The following GFRA2 variants were observed in gnomAD, a reference collection of about 807,000 sequenced individuals.
GFRA2 encodes the protein GDNF family receptor alpha-2.
A neutral mutation model predicts 48.3 loss-of-function variants in GFRA2; 17 were observed. That is an observed-to-expected ratio of 0.35 (90% CI 0.24 to 0.53). GFRA2 has a LOEUF of 0.53. Among genes scored for constraint, GFRA2 ranks in the 20% least tolerant of loss-of-function variants. The pLI is 0.93. For synonymous variants in GFRA2, 305 were observed against 257.2 expected (o/e 1.19, Z -1.78); for missense variants, 660 against 637.3 (o/e 1.04, Z -0.38).
chr8:21,780,499 C>T (rs1806927877), intron 2 of GFRA2, among the ~76,000 whole-genome samples: 2 of 152,270 alleles, frequency 1.3e-5, no homozygotes, highest in South Asian at 4.2e-4. Flanking sequence ...TACCGCCCTC[C>T]TCTCACTGCG....
chr8:21,738,423 T>C (rs1020628415), intron 4 of GFRA2, among the ~76,000 whole-genome samples: 5 of 151,432 alleles, frequency 3.3e-5, no homozygotes, highest in African/African-American at 1.2e-4. Context: ...CTCCATCACA[T>C]TTCAGCTTCC....
intron 4 of GFRA2, among the ~76,000 whole-genome samples, chr8:21,716,866 A>G (rs1318996643): frequency 6.6e-6 from 1 of 152,232 alleles, no homozygotes; most frequent in Non-Finnish European, 1.5e-5. Flanking sequence ...CTTGCAAATA[A>G]CAACACCTCA....
chr8:21,712,132 T>C (rs1803072735), intron 4 of GFRA2, among the ~76,000 whole-genome samples: 1 of 152,232 alleles, frequency 6.6e-6, no homozygotes. Flanking sequence ...TTCCCCACCT[T>C]TCCCCCTTTT....
At chr8:21,738,212 T>C (rs1585277522) in intron 4 of GFRA2, among the ~76,000 whole-genome samples, 1 of 84,322 alleles carries the variant, frequency 1.2e-5, no homozygotes, top group African/African-American at 4.9e-5. Context: ...CTCCTCCCCC[T>C]CCTCCTCCTC....
chr8:21,756,334 G>T (rs183196831), intron 3 of GFRA2, among the ~76,000 whole-genome samples: 1 of 152,194 alleles, frequency 6.6e-6, no homozygotes, highest in African/African-American at 2.4e-5. Context: ...GCTCCTACCT[G>T]GTTACCAGGA....
At chr8:21,739,228 C>G (rs1804632309) in intron 4 of GFRA2, among the ~76,000 whole-genome samples, 1 of 152,168 alleles carries the variant, frequency 6.6e-6, no homozygotes, top group East Asian at 1.9e-4. Context: ...GCTCATAAGT[C>G]AATGTCCTCA....
chr8:21,761,289 C>A (rs957758052), intron 3 of GFRA2, among the ~76,000 whole-genome samples: 15 of 152,254 alleles, frequency 9.9e-5, no homozygotes, highest in Non-Finnish European at 2.2e-4. Flanking sequence ...TAAAGTAAGG[C>A]TGGATTGACG....
At chr8:21,757,510 T>G (rs1236982296) in intron 3 of GFRA2, among the ~76,000 whole-genome samples, 2 of 151,850 alleles carry the variant, frequency 1.3e-5, no homozygotes, top group Non-Finnish European at 1.5e-5. Flanking sequence ...TTAATCCTTT[T>G]TTTTGAATGG....
At chr8:21,765,410 C>T (rs1384086327) in intron 3 of GFRA2, among the ~76,000 whole-genome samples, 1 of 151,882 alleles carries the variant, frequency 6.6e-6, no homozygotes, top group Non-Finnish European at 1.5e-5. Flanking sequence ...TACACCTGAC[C>T]CACTTCCCCT....
In GFRA2 at chr8:21,782,702, C is replaced by A; in HGVS notation, c.238G>T (p.Ala80Ser). 6.3e-7 allele frequency: 1 copy of A among 1,594,464 alleles called. No individual in the cohort carries two copies. Among genetic ancestry groups the A allele is most frequent in the Non-Finnish European group, 8.5e-7 (1 of 1,170,982 alleles). Reference sequence around the variant, plus strand: ...CTCTCCTGCAAGACCTCCAAGGCCGCCTGGCACTCCTTGTTGGCCAGCATG... The same window carrying A: ...CTCTCCTGCAAGACCTCCAAGGCCGACTGGCACTCCTTGTTGGCCAGCATG... ...NTMLANKECQ[A>S]ALEVLQESPL... Residue 80 changes from alanine to serine, a missense_variant, in exon 2 of 9, where the codon GCG becomes TCG. Ala to Ser is a moderately conservative substitution (Grantham distance 99, BLOSUM62 1). Transcript: ENST00000524240.
intron 4 of GFRA2, among the ~76,000 whole-genome samples, chr8:21,708,322 T>A (rs1189284127): frequency 1.3e-5 from 2 of 152,160 alleles, no homozygotes; most frequent in Non-Finnish European, 2.9e-5. Flanking sequence ...CCATCTTAGA[T>A]GTCAAAACCC....
Position 21,750,851 on chromosome 8 carries a change from C to T in GFRA2, c.531G>A (p.Leu177=). ...TGCAGATGGAGATGTAGGAGGAGCG[C>T]AGCTTCTTGCAGTTGTCATTCAGGT... ...ACNLNDNCKK[L]RSSYISICNR... is the part of the protein sequence containing the mutation. Residue 177 remains leucine (L), a synonymous_variant, in exon 4 of 9, where the codon CTG becomes CTA. Transcript: ENST00000524240. The surrounding 1 kb of genome is among the most constrained non-coding windows in gnomAD (Gnocchi z 5.7). The T allele has an allele frequency of 1.9e-6, 3 of 1,613,928 alleles. No individual in the cohort carries two copies. The highest frequency in any genetic ancestry group is 2.5e-6 in the Non-Finnish European group (3 of 1,179,878).
chr8:21,780,592 C>G (rs1474131435), intron 2 of GFRA2, among the ~76,000 whole-genome samples: 1 of 152,170 alleles, frequency 6.6e-6, no homozygotes, highest in Admixed American at 6.5e-5. Context: ...CTTCCTCCCT[C>G]GACTCTAGAC....
chr8:21,744,486 G>T (rs73669539), intron 4 of GFRA2, among the ~76,000 whole-genome samples: 1 of 151,156 alleles, frequency 6.6e-6, no homozygotes, highest in Non-Finnish European at 1.5e-5. Context: ...TCCAAATGAG[G>T]CCTGGTAGGG....
intron 4 of GFRA2, among the ~76,000 whole-genome samples, chr8:21,712,328 G>A (rs1260176032): frequency 3.3e-5 from 5 of 151,662 alleles, no homozygotes; most frequent in South Asian, 2.1e-4. Flanking sequence ...CCTCCCAGAC[G>A]GGGTCGCGGC....
chr8:21,734,041 A>T (rs747400163), intron 4 of GFRA2, among the ~76,000 whole-genome samples: 1 of 152,154 alleles, frequency 6.6e-6, no homozygotes, highest in African/African-American at 2.4e-5. Flanking sequence ...GAGAAAGGGG[A>T]CCGTGCTTTC....
At chr8:21,721,771 G>A (rs367876663) in intron 4 of GFRA2, among the ~76,000 whole-genome samples, 20 of 152,272 alleles carry the variant, frequency 1.3e-4, no homozygotes, top group Admixed American at 7.2e-4. Flanking sequence ...TGTGAGTACC[G>A]TGGGCTGGAG....
At chr8:21,770,395 T>C (rs1200994375) in intron 3 of GFRA2, among the ~76,000 whole-genome samples, 2 of 152,268 alleles carry the variant, frequency 1.3e-5, no homozygotes, top group East Asian at 3.9e-4. Context: ...TCCTCAGAGG[T>C]AGGTGTTGCC....
rs565298192 is a variant in GFRA2, at chr8:21,750,073, G to A, written c.794+515C>T. ...TGTAAGTATATATATGTGTATATAT[G>A]TGTGTGTGTGTGTATACACACACAC... is the stretch of plus-strand genomic sequence containing the variant. On this transcript the variant is annotated intron_variant, in intron 4 of 8. Transcript: ENST00000524240. This position sits in a 1 kb window ranked among gnomAD's most constrained non-coding sequence, Gnocchi z 5.7. 4.8e-5 allele frequency among the ~76,000 whole-genome samples: 4 copies of A among 83,270 alleles called. No individual in the cohort carries two copies. Among genetic ancestry groups the A allele is most frequent in the South Asian group, 3.4e-4 (1 of 2,916 alleles). The allele number at this position is 83,270 out of a possible 152,430, so 54.6% of individuals were successfully genotyped here. A position where few individuals can be genotyped will look rare whatever the true frequency, so the allele number is the denominator to read the frequency against.
Sources: gnomAD v4.1 joint callset for allele counts (sites outside exome capture counted in the v4.1 genomes callset) on GRCh38, gnomAD v4.1.1 for gene constraint, Gnocchi (gnomAD v3.1) non-coding constraint, MANE v1.5 for transcripts, NCBI Gene and HGNC (gene_info 2026-07-23, HGNC 2026-07-21) for gene names.